Variants in FAAH2 observed in about 807,000 individuals in gnomAD.
The protein encoded by FAAH2 is fatty acid amide hydrolase 2, also known as fatty-acid amide hydrolase 2.
In FAAH2, 60 loss-of-function variants were observed where a neutral mutation model predicts 36.9. The ratio of observed to expected loss-of-function variants is 1.63; its 90% CI spans 1.32 to 2.02. FAAH2 has a LOEUF of 2.02. Ranked by LOEUF, FAAH2 falls within the 30% of genes most tolerant of loss-of-function variation. The probability of loss-of-function intolerance (pLI) is 0.00; values close to 1 mark genes in which losing one functional copy is unlikely to be tolerated. For missense variants in FAAH2, 689 were observed against 397.5 expected (o/e 1.73, Z -6.23); for synonymous variants, 214 against 143.8 (o/e 1.49, Z -3.49).
At chrX:57,399,150 A>T (rs942219093) in intron 7 of FAAH2, among the ~76,000 whole-genome samples, 1 of 111,364 alleles carries the variant, frequency 9.0e-6, no homozygotes, top group African/African-American at 3.3e-5. Context: ...GAAGAGACAA[A>T]CTTAACAAGG....
At chrX:57,282,878 C>T (rs973809951), upstream of FAAH2, among the ~76,000 whole-genome samples, 8 of 112,210 alleles carry the variant, frequency 7.1e-5, no homozygotes, top group Admixed American at 7.6e-4. Context: ...CTCTGTTTGG[C>T]ACTTGCGAGC....
chrX:57,292,966 G>A (rs993669644), intron 2 of FAAH2, among the ~76,000 whole-genome samples: 1 of 111,721 alleles, frequency 9.0e-6, no homozygotes, highest in African/African-American at 3.3e-5. Context: ...ATTTAGCATA[G>A]TAGATAGTAT....
At chrX:57,245,052 A>G in the FAAH2 span, among the ~76,000 whole-genome samples, 1 of 111,537 alleles carries the variant, frequency 9.0e-6, no homozygotes, top group Non-Finnish European at 1.9e-5. Flanking sequence ...AAGGAAATGG[A>G]AAACAAAAAA....
At chrX:57,342,032 A>G (rs2053699669) in intron 5 of FAAH2, among the ~76,000 whole-genome samples, 1 of 112,140 alleles carries the variant, frequency 8.9e-6, no homozygotes, top group Non-Finnish European at 1.9e-5. Context: ...AATATAAGGT[A>G]GTCTAATAAA....
chrX:57,206,487 A>G, the FAAH2 span, among the ~76,000 whole-genome samples: 1 of 112,036 alleles, frequency 8.9e-6, no homozygotes, highest in East Asian at 2.8e-4. Context: ...AGCACAAAGT[A>G]TATCATCCAT....
intron 10 of FAAH2, among the ~76,000 whole-genome samples, chrX:57,468,255 T>C (rs948863489): frequency 7.2e-5 from 8 of 111,785 alleles, no homozygotes; most frequent in Non-Finnish European, 1.9e-5. Flanking sequence ...GAGAATGACT[T>C]TGACGAGTTG....
chrX:57,380,381 C>G (rs5960961), intron 6 of FAAH2, among the ~76,000 whole-genome samples: 39,893 of 110,036 alleles, frequency 0.36, 6,224 homozygotes, highest in Middle Eastern at 0.61. Flanking sequence ...GGAAGACTGG[C>G]CATTTCAGAT....
the FAAH2 span, among the ~76,000 whole-genome samples, chrX:57,258,011 T>C: frequency 1.8e-5 from 2 of 111,721 alleles, no homozygotes; most frequent in Non-Finnish European, 3.8e-5. Flanking sequence ...AAGAATAACA[T>C]AGCTAGTTGC....
chrX:57,450,797 G>A (rs5915027), intron 10 of FAAH2, among the ~76,000 whole-genome samples: 58,257 of 110,007 alleles, frequency 0.53, 13,755 homozygotes, highest in Non-Finnish European at 0.73. Context: ...AGGATATAAT[G>A]TAATAATGTG....
At chrX:57,487,013 C>G (rs2057486168) in intron 10 of FAAH2, among the ~76,000 whole-genome samples, 1 of 111,447 alleles carries the variant, frequency 9.0e-6, no homozygotes, top group Non-Finnish European at 1.9e-5. Flanking sequence ...AAGGAGGTTT[C>G]AAGACAGTTC....
the FAAH2 span, chrX:57,134,510 A>G: frequency 1.8e-5 from 2 of 111,417 alleles, no homozygotes; most frequent in Admixed American, 9.5e-5. Context: ...AAGCATGGAC[A>G]GGCAAGTACT....
intron 3 of FAAH2, among the ~76,000 whole-genome samples, chrX:57,318,204 CAA>C (rs34207740): frequency 1.8e-5 from 2 of 108,929 alleles, no homozygotes. Context: ...ACAAACCCTT[CAA>C]AAAAAATAAA....
At chrX:57,294,281 G>A (rs898646112) in intron 2 of FAAH2, among the ~76,000 whole-genome samples, 5 of 112,309 alleles carry the variant, frequency 4.5e-5, no homozygotes, top group African/African-American at 6.5e-5. Flanking sequence ...TCTCAAGGCA[G>A]TTCAATGATT....
chrX:57,158,091 A>T, the FAAH2 span, among the ~76,000 whole-genome samples: 1 of 111,329 alleles, frequency 9.0e-6, no homozygotes, highest in Non-Finnish European at 1.9e-5. Context: ...GAGTGAGAAC[A>T]TGCGGTCTTT....
chrX:57,284,662 A>G (rs771826452), upstream of FAAH2, among the ~76,000 whole-genome samples: 1 of 111,882 alleles, frequency 8.9e-6, no homozygotes, highest in South Asian at 3.7e-4. Context: ...TTCATTTTGC[A>G]AGATAAAAAT....
In FAAH2 at chrX:57,331,758, C is replaced by A. The variant is rs771556131; in HGVS notation, c.573C>A (p.Gly191=). The change falls in exon 4 of 11, where the codon GGC becomes GGA. Residue 191 remains glycine, a synonymous_variant. Coordinates refer to ENST00000374900, the MANE Select transcript of FAAH2 (RefSeq NM_174912.4). ...ATGAATCCAGTAACAAGATCTATGG[C>A]CGATCAAACAACCCATATGATTTAC... ...MWYESSNKIY[G]RSNNPYDLQH... 5.1e-5 allele frequency: 62 copies of A among 1,209,376 alleles called. 1 individual carries two copies. The Middle Eastern group carries it at 1.6e-3, about 31-fold the overall frequency.
intron 5 of FAAH2, among the ~76,000 whole-genome samples, chrX:57,347,694 G>T (rs1303967336): frequency 2.0e-5 from 2 of 101,818 alleles, no homozygotes; most frequent in Non-Finnish European, 3.9e-5. Context: ...CTCCTCTGAG[G>T]GGGCTGGTGT....
At chrX:57,150,383 G>A in the FAAH2 span, among the ~76,000 whole-genome samples, 1 of 111,796 alleles carries the variant, frequency 8.9e-6, no homozygotes, top group African/African-American at 3.3e-5. Flanking sequence ...CATTATTATT[G>A]TGTGGGATTC....
chrX:57,177,208 G>A, the FAAH2 span, among the ~76,000 whole-genome samples: 1 of 109,928 alleles, frequency 9.1e-6, no homozygotes, highest in African/African-American at 3.3e-5. Flanking sequence ...TCTTTTCAGT[G>A]GGAAGTGAGG....
Sources: gnomAD v4.1 joint callset for allele counts (sites outside exome capture counted in the v4.1 genomes callset) on GRCh38, gnomAD v4.1.1 for gene constraint, MANE v1.5 for transcripts, NCBI Gene and HGNC (gene_info 2026-07-23, HGNC 2026-07-21) for gene names.